Variants in PTER observed in about 807,000 individuals in gnomAD.
PTER encodes N-acetyltaurine hydrolase.
In PTER, 38 loss-of-function variants were observed where a neutral mutation model predicts 29.6. That is an observed-to-expected ratio of 1.28 (90% CI 0.99 to 1.68). The LOEUF is 1.68. PTER is among the 40% of genes most tolerant of loss of function. The pLI is 0.00. For missense variants in PTER, 482 were observed against 427.8 expected (o/e 1.13, Z -1.12); for synonymous variants, 172 against 154.5 (o/e 1.11, Z -0.84).
intron 1 of PTER, among the ~76,000 whole-genome samples, chr10:16,442,568 A>C (rs779899880): frequency 5.3e-5 from 8 of 152,132 alleles, no homozygotes; most frequent in Non-Finnish European, 1.2e-4. Flanking sequence ...TCAGGAGTTC[A>C]AGACCAGCCT....
Position 16,511,346 on chromosome 10 carries a change from C to T in PTER, c.*90C>T. 1 of 1,176,710 alleles carries T rather than the reference C, an allele frequency of 8.5e-7. No homozygotes were observed. The highest frequency in any genetic ancestry group is 1.3e-6 in the Non-Finnish European group (1 of 799,586). 72.9% of individuals were successfully genotyped at this position (1,176,710 alleles called of 1,614,324 possible). ...TCCACTGTGAGATATTAATCAGTTA[C>T]CTAGGACTAATGACAGATCATTTCC... On this transcript the variant is annotated 3_prime_UTR_variant, in exon 5 of 5. Transcript: ENST00000535784.
downstream of PTER, among the ~76,000 whole-genome samples, chr10:16,516,501 A>G (rs2133538059): frequency 6.6e-6 from 1 of 152,284 alleles, no homozygotes; most frequent in African/African-American, 2.4e-5. Context: ...TATATTAGTA[A>G]TACATTAGTT....
chr10:16,478,812 A>AT (rs1221478623), intron 1 of PTER, among the ~76,000 whole-genome samples: 108 of 152,088 alleles, frequency 7.1e-4, no homozygotes, highest in African/African-American at 2.4e-3. Flanking sequence ...CCACAAGCCG[A>AT]TTTTTTTTAT....
At chr10:16,470,430 G>T (rs1835003149) in intron 1 of PTER, among the ~76,000 whole-genome samples, 1 of 152,164 alleles carries the variant, frequency 6.6e-6, no homozygotes, top group Non-Finnish European at 1.5e-5. Context: ...CAAATCCATA[G>T]TAACTTTTTA....
At chr10:16,476,364 G>A (rs1835262982) in intron 1 of PTER, among the ~76,000 whole-genome samples, 1 of 152,134 alleles carries the variant, frequency 6.6e-6, no homozygotes, top group South Asian at 2.1e-4. Context: ...ACAGGCCTGA[G>A]CCACCATGCC....
chr10:16,485,875 C>T (rs887292367), intron 2 of PTER, among the ~76,000 whole-genome samples: 1 of 152,124 alleles, frequency 6.6e-6, no homozygotes, highest in Non-Finnish European at 1.5e-5. Context: ...GGGAGGTTCA[C>T]TTGATCTCAG....
chr10:16,479,365 CTG>C (rs1209355164), intron 1 of PTER, among the ~76,000 whole-genome samples: 3 of 152,144 alleles, frequency 2.0e-5, no homozygotes, highest in Admixed American at 1.3e-4. Context: ...AGCATGATGA[CTG>C]TGTCCAAGGA....
chr10:16,448,389 T>C (rs1834088716), intron 1 of PTER, among the ~76,000 whole-genome samples: 1 of 152,174 alleles, frequency 6.6e-6, no homozygotes, highest in African/African-American at 2.4e-5. Context: ...ACTTGATAAA[T>C]GGGTGGGAGT....
chr10:16,468,001 G>A (rs748115773), intron 1 of PTER, among the ~76,000 whole-genome samples: 2 of 152,138 alleles, frequency 1.3e-5, no homozygotes. Context: ...AAAGGGCTGT[G>A]CTGTGATCTC....
chr10:16,483,864 AAGG>A (rs764918964), intron 1 of PTER, among the ~76,000 whole-genome samples: 16 of 152,154 alleles, frequency 1.1e-4, no homozygotes, highest in East Asian at 9.6e-4. Context: ...AAAGAAAAAA[AAGG>A]AGGAAAGATC....
At chr10:16,490,070 A>G (rs1433185122) in intron 3 of PTER, among the ~76,000 whole-genome samples, 1 of 152,198 alleles carries the variant, frequency 6.6e-6, no homozygotes, top group Non-Finnish European at 1.5e-5. Context: ...TGCATTTAAT[A>G]TACCTAACCC....
chr10:16,481,696 A>G (rs1432823371), intron 1 of PTER, among the ~76,000 whole-genome samples: 1 of 152,136 alleles, frequency 6.6e-6, no homozygotes, highest in Non-Finnish European at 1.5e-5. Flanking sequence ...AAACGTACCA[A>G]CATTGCTCTT....
Position 16,512,198 on chromosome 10 carries a change from G to A in PTER, c.*942G>A, listed in dbSNP as rs987337594. The A allele has an allele frequency of 6.6e-6, 1 of 152,068 alleles. No individual in the cohort carries two copies. The highest frequency in any genetic ancestry group is 1.5e-5 in the Non-Finnish European group (1 of 67,982). 9.4% of individuals were successfully genotyped at this position (152,068 alleles called of 1,614,324 possible). ...TCAGATCTATTGGAAATGACAGCCC[G>A]ATACTTGAGCCTCCTCTTTAAAAGG... On this transcript the variant is annotated 3_prime_UTR_variant, in exon 5 of 5. Transcript: ENST00000535784.
intron 3 of PTER, among the ~76,000 whole-genome samples, chr10:16,503,870 A>G (rs921949509): frequency 6.6e-6 from 1 of 152,174 alleles, no homozygotes; most frequent in Non-Finnish European, 1.5e-5. Context: ...TGGAGTTGCC[A>G]AAGTAATAGA....
intron 3 of PTER, among the ~76,000 whole-genome samples, chr10:16,494,793 T>G (rs1836028713): frequency 6.6e-6 from 1 of 152,210 alleles, no homozygotes; most frequent in Admixed American, 6.5e-5. Context: ...AAATTTATTT[T>G]TAATTAATTG....
intron 1 of PTER, among the ~76,000 whole-genome samples, chr10:16,439,655 T>C (rs952535315): frequency 2.6e-5 from 4 of 152,222 alleles, no homozygotes; most frequent in African/African-American, 9.6e-5. Flanking sequence ...ATACAGGACA[T>C]ACATACATAC....
intron 3 of PTER, among the ~76,000 whole-genome samples, chr10:16,494,030 C>G (rs2133473010): frequency 6.6e-6 from 1 of 152,196 alleles, no homozygotes; most frequent in East Asian, 1.9e-4. Flanking sequence ...TGACACCATT[C>G]CCATGAAATG....
chr10:16,473,706 CT>C (rs1422460354), intron 1 of PTER, among the ~76,000 whole-genome samples: 3 of 151,928 alleles, frequency 2.0e-5, no homozygotes, highest in African/African-American at 4.8e-5. Flanking sequence ...AACTGAAAAC[CT>C]TAAAGATGCA....
chr10:16,449,711 G>C lies in PTER; in HGVS notation c.-49+12664G>C, dbSNP rs1349916717. 2.6e-5 allele frequency among the ~76,000 whole-genome samples: 4 copies of C among 152,158 alleles called. No homozygotes were observed. The East Asian group carries it at 7.7e-4, about 29-fold the overall frequency. ...GAAGAGCAATCACAGAGCTCTTCAA[G>C]GATGCAGGTGCTCCTCTCACAAATC... On this transcript the variant is annotated intron_variant, in intron 1 of 4. Transcript: ENST00000535784.
Sources: gnomAD v4.1 joint callset for allele counts (sites outside exome capture counted in the v4.1 genomes callset) on GRCh38, gnomAD v4.1.1 for gene constraint, MANE v1.5 for transcripts, NCBI Gene and HGNC (gene_info 2026-07-23, HGNC 2026-07-21) for gene names.